Variants in LRP1B observed in about 807,000 individuals in gnomAD.
The protein encoded by LRP1B is LDL receptor related protein 1B, also known as low-density lipoprotein receptor-related protein 1B.
Under a neutral mutation model 556.6 loss-of-function variants are expected in LRP1B, and 217 were observed. That is an observed-to-expected ratio of 0.39 (90% CI 0.35 to 0.44). The LOEUF is 0.44. Ranked by LOEUF, LRP1B falls within the 20% of genes least tolerant of loss-of-function variation. The pLI, the probability that LRP1B is intolerant of heterozygous loss-of-function variation, is 1.00. For missense variants in LRP1B, 5,053 were observed against 5,620.8 expected, an observed-to-expected ratio of 0.90 and a Z score of 3.23; for synonymous variants, 2,047 against 1,865.8, an observed-to-expected ratio of 1.10 and a Z score of -2.50.
At chr2:142,014,060 A>T (rs1436833945) in intron 1 of LRP1B, among the ~76,000 whole-genome samples, 1 of 152,210 alleles carries the variant, frequency 6.6e-6, no homozygotes, top group African/African-American at 2.4e-5. Flanking sequence ...AAACCCTTGC[A>T]GCAGAGCATA....
chr2:141,570,161 C>CAAAAT (rs1158339373), intron 2 of LRP1B, among the ~76,000 whole-genome samples: 1 of 147,734 alleles, frequency 6.8e-6, no homozygotes, highest in African/African-American at 2.5e-5. Flanking sequence ...CAAAACAAAA[C>CAAAAT]ATAATAAGTG....
Position 140,444,442 on chromosome 2 carries a change from A to G in LRP1B, c.10182T>C (p.His3394=), listed in dbSNP as rs1298057336. The G allele has an allele frequency of 1.9e-6, 3 of 1,613,994 alleles. No homozygotes were observed. In the East Asian group the frequency reaches 6.7e-5, roughly 36 times the overall value. ...DNSDELNCDT[H]VCLSGQFKCT... ...ATTTGAATTGACCTGACAGGCAGAC[A>G]TGTGTGTCTAGAACATAGAAGGAGA... is the stretch of plus-strand genomic sequence containing the variant. Residue 3394 remains histidine (H), a synonymous_variant, in exon 65 of 91, where the codon CAT becomes CAC. Coordinates refer to ENST00000389484, the MANE Select transcript of LRP1B (RefSeq NM_018557.3).
intron 1 of LRP1B, among the ~76,000 whole-genome samples, chr2:141,979,710 A>G (rs1349332738): frequency 1.3e-5 from 2 of 152,098 alleles, no homozygotes; most frequent in South Asian, 4.1e-4. Context: ...CAAAGTCAGG[A>G]ATATTCCATT....
chr2:141,570,807 C>G (rs1163580521), intron 2 of LRP1B, among the ~76,000 whole-genome samples: 1 of 151,374 alleles, frequency 6.6e-6, no homozygotes, highest in African/African-American at 2.4e-5. Flanking sequence ...AGTGCCTCTT[C>G]AGGCCTGACC....
chr2:141,011,235 G>A (rs1282494288), intron 14 of LRP1B, among the ~76,000 whole-genome samples: 2 of 149,976 alleles, frequency 1.3e-5, no homozygotes, highest in African/African-American at 4.9e-5. Context: ...AGGACAATAT[G>A]AAACCATTTA....
At chr2:142,087,506 CCTCT>C (rs1170030406) in intron 1 of LRP1B, among the ~76,000 whole-genome samples, 3 of 151,324 alleles carry the variant, frequency 2.0e-5, no homozygotes, top group Admixed American at 6.6e-5. Flanking sequence ...GAGTTTTCTC[CCTCT>C]GAGTCTCTGC....
intron 86 of LRP1B, among the ~76,000 whole-genome samples, chr2:140,254,363 A>G (rs1330790411): frequency 6.6e-6 from 1 of 152,122 alleles, no homozygotes; most frequent in Non-Finnish European, 1.5e-5. Context: ...GAAAATATTC[A>G]ATTCACTTTC....
rs868543953 is a variant in LRP1B at position 140,322,007 on chromosome 2, C to T, written c.12596G>A (p.Gly4199Glu). ...GCAGGTGCCATTAATCAAATATTTT[C>T]CTTCTGGACACACACAAGTGGCCCC... ...PSGATCVCPE[G>E]KYLINGTCND... The change falls in exon 82 of 91, where the codon GGA becomes GAA. Residue 4199 changes from glycine (G) to glutamate (E), a missense_variant. By Grantham distance (98) the Gly-to-Glu change is moderately conservative (BLOSUM62 -2). Around this residue, in one of 5 missense-constraint regions of LRP1B, gnomAD observed 551 missense variants for 592.0 expected, o/e 0.93. Coordinates refer to ENST00000389484, the MANE Select transcript of LRP1B (RefSeq NM_018557.3). 1.2e-5 allele frequency: 19 copies of T among 1,613,012 alleles called. No individual in the cohort carries two copies. The highest frequency in any genetic ancestry group is 1.6e-5 in the Non-Finnish European group (19 of 1,179,466).
Position 142,052,903 on chromosome 2 carries a change from T to G in LRP1B, c.82+77745A>C, listed in dbSNP as rs17824199. Among the ~76,000 whole-genome samples the G allele has an allele frequency of 4.3e-3, 647 of 152,180 alleles. 9 individuals are homozygous for G. Among genetic ancestry groups the G allele is most frequent in the African/African-American group, 0.015 (620 of 41,542 alleles). ...CTAATTGATTTTCTTTATAAACACATAAGTAATTATACAAGTGACCATCTG... is the reference window on the plus strand; with the variant it reads ...CTAATTGATTTTCTTTATAAACACAGAAGTAATTATACAAGTGACCATCTG... On this transcript the variant is annotated intron_variant, in intron 1 of 90. Coordinates refer to ENST00000389484, the MANE Select transcript of LRP1B (RefSeq NM_018557.3).
chr2:142,001,258 T>C lies in LRP1B; in HGVS notation c.82+129390A>G, dbSNP rs980777820. On this transcript the variant is annotated intron_variant, in intron 1 of 90. Transcript: ENST00000389484. ...CAGTTCCAAAAGCCATGGTTTTTAT[T>C]CTACCTACTGTCTCTGGTAGATACA... 5.9e-5 allele frequency among the ~76,000 whole-genome samples: 9 copies of C among 152,194 alleles called. No individual in the cohort carries two copies. In the East Asian group the frequency reaches 1.7e-3, roughly 29 times the overall value.
chr2:141,042,923 C>T lies in LRP1B; in HGVS notation c.1789+6063G>A, dbSNP rs1031165245. ...CTTTACGTAAAATTATAAAAATCACCGTTGGGGACTGTAATCCCAGCACTT... is the reference window on the plus strand; with the variant it reads ...CTTTACGTAAAATTATAAAAATCACTGTTGGGGACTGTAATCCCAGCACTT... On this transcript the variant is annotated intron_variant, in intron 11 of 90. Coordinates refer to ENST00000389484, the MANE Select transcript of LRP1B (RefSeq NM_018557.3). Among the ~76,000 whole-genome samples, 29 of 151,022 alleles carry T rather than the reference C, an allele frequency of 1.9e-4. 1 individual carries two copies. Among genetic ancestry groups the T allele is most frequent in the Non-Finnish European group, 1.9e-4 (13 of 67,710 alleles).
intron 50 of LRP1B, among the ~76,000 whole-genome samples, chr2:140,515,870 A>G (rs1574028355): frequency 6.6e-6 from 1 of 152,200 alleles, no homozygotes; most frequent in East Asian, 1.9e-4. Flanking sequence ...GACATTTCAC[A>G]GAAAATCCGT....
intron 21 of LRP1B, among the ~76,000 whole-genome samples, chr2:140,911,048 A>G (rs1266627387): frequency 3.9e-5 from 6 of 151,980 alleles, no homozygotes; most frequent in Middle Eastern, 3.4e-3. Context: ...GGTGACATCA[A>G]TTACAATGCA....
intron 3 of LRP1B, among the ~76,000 whole-genome samples, chr2:141,338,279 G>A (rs1308795495): frequency 1.3e-5 from 2 of 152,066 alleles, no homozygotes; most frequent in Middle Eastern, 3.2e-3. Context: ...AGCTCAATTG[G>A]GAGCCAAGAC....
chr2:140,923,874 T>A (rs1694812318), intron 20 of LRP1B, among the ~76,000 whole-genome samples: 1 of 151,922 alleles, frequency 6.6e-6, no homozygotes. Context: ...TAAATAAAAG[T>A]AAGAAAATAT....
intron 79 of LRP1B, among the ~76,000 whole-genome samples, chr2:140,326,132 T>C (rs1429126876): frequency 6.6e-6 from 1 of 152,128 alleles, no homozygotes; most frequent in Non-Finnish European, 1.5e-5. Context: ...GGAAAGTCTG[T>C]CCTAAATATC....
At chr2:140,519,563 T>G (rs1195775910) in intron 49 of LRP1B, among the ~76,000 whole-genome samples, 2 of 152,154 alleles carry the variant, frequency 1.3e-5, no homozygotes, top group African/African-American at 4.8e-5. Context: ...AAGGACTTCA[T>G]GACTAAAACA....
At chr2:141,556,841 G>A (rs1685976269) in intron 2 of LRP1B, among the ~76,000 whole-genome samples, 1 of 151,804 alleles carries the variant, frequency 6.6e-6, no homozygotes, top group Non-Finnish European at 1.5e-5. Context: ...AGAAAAGGCT[G>A]AGAGAAGTTA....
chr2:141,089,780 G>A (rs568513776), intron 7 of LRP1B, among the ~76,000 whole-genome samples: 111 of 152,278 alleles, frequency 7.3e-4, no homozygotes, highest in African/African-American at 2.6e-3. Flanking sequence ...CCATATCTGG[G>A]CTGCCACAGG....
Sources: gnomAD v4.1 joint callset for allele counts (sites outside exome capture counted in the v4.1 genomes callset) on GRCh38, gnomAD v4.1.1 for gene constraint, gnomAD v4.1.1 regional missense constraint, MANE v1.5 for transcripts, NCBI Gene and HGNC (gene_info 2026-07-23, HGNC 2026-07-21) for gene names.